STAG1: variants seen among roughly 807,000 people sequenced by gnomAD.
The protein encoded by STAG1 is STAG1 cohesin complex component, also known as cohesin subunit SA-1.
In STAG1, 26 loss-of-function variants were observed where a neutral mutation model predicts 170.9. The ratio of observed to expected loss-of-function variants is 0.15; its 90% CI spans 0.11 to 0.21. The LOEUF (loss-of-function observed/expected upper bound fraction) is 0.21, where lower values mean the gene tolerates loss of function less well. STAG1 is among the 10% of genes least tolerant of loss of function. The pLI is 1.00. For missense variants in STAG1, 964 were observed against 1,509.5 expected, an observed-to-expected ratio of 0.64 and a Z score of 5.99; for synonymous variants, 514 against 497.7, an observed-to-expected ratio of 1.03 and a Z score of -0.44.
intron 1 of STAG1, among the ~76,000 whole-genome samples, chr3:136,694,757 C>A (rs576500019): frequency 2.6e-4 from 39 of 152,062 alleles, no homozygotes; most frequent in Admixed American, 1.4e-3. Flanking sequence ...TCAAGGGACA[C>A]AGGAAATCTG....
intron 16 of STAG1, among the ~76,000 whole-genome samples, chr3:136,425,759 T>C (rs2088102352): frequency 6.7e-6 from 1 of 149,600 alleles, no homozygotes; most frequent in Non-Finnish European, 1.5e-5. Flanking sequence ...TATATATCTA[T>C]AAAAGAAGAA....
At chr3:136,371,702 T>G (rs963411725) in intron 23 of STAG1, among the ~76,000 whole-genome samples, 8 of 152,174 alleles carry the variant, frequency 5.3e-5, no homozygotes, top group Non-Finnish European at 7.3e-5. Context: ...TCTGTTCTGT[T>G]CCATTGGTCT....
intron 7 of STAG1, among the ~76,000 whole-genome samples, chr3:136,511,976 C>A (rs973813985): frequency 6.6e-6 from 1 of 150,864 alleles, no homozygotes; most frequent in Non-Finnish European, 1.5e-5. Flanking sequence ...AAGCACTGGG[C>A]GTGTGGTGGT....
rs774233927 is a variant in STAG1 at position 136,343,889 on chromosome 3, C to A, written c.3389G>T (p.Gly1130Val). Residue 1130 changes from glycine (G) to valine (V), a missense_variant, in exon 30 of 34, where the codon GGA (glycine) becomes GTA (valine). Gly to Val is a moderately radical substitution (Grantham distance 109). Coordinates refer to ENST00000383202, the MANE Select transcript of STAG1 (RefSeq NM_005862.3). ...AGACTCAGGTTCTTGAATCTGGTCT[C>A]CCATGGGCCGACTGTTCTCCCGCAG... ...TVLRENSRPM[G>V]DQIQEPESEH... 1.9e-6 allele frequency: 3 copies of A among 1,608,466 alleles called. No individual in the cohort carries two copies. The highest frequency in any genetic ancestry group is 2.2e-5 in the South Asian group (2 of 90,162).
intron 1 of STAG1, among the ~76,000 whole-genome samples, chr3:136,687,168 T>C (rs1423947284): frequency 6.6e-6 from 1 of 152,228 alleles, no homozygotes; most frequent in Non-Finnish European, 1.5e-5. Context: ...GACATTATGT[T>C]GTCCATGCAT....
Position 136,377,641 on chromosome 3 carries a change from C to G in STAG1, c.2370+19G>C, listed in dbSNP as rs562126203. ...ATTTGAGTTGATTTTATTGAGAGCT[C>G]TTACTGATAATTTCTTACCTGTTCT... On this transcript the variant is annotated intron_variant, in intron 23 of 33. Coordinates refer to ENST00000383202, the MANE Select transcript of STAG1 (RefSeq NM_005862.3). 6 of 1,593,708 alleles carry G rather than the reference C, an allele frequency of 3.8e-6. No individual in the cohort carries two copies. The highest frequency in any genetic ancestry group is 5.2e-6 in the Non-Finnish European group (6 of 1,162,620).
intron 1 of STAG1, chr3:136,737,099 G>C (rs1280301431): frequency 1.7e-5 from 16 of 917,784 alleles, no homozygotes; most frequent in Non-Finnish European, 2.7e-5. Flanking sequence ...AACCAGGACA[G>C]GTCAGTCTTT....
chr3:136,448,400 T>G (rs2088844991), intron 14 of STAG1, among the ~76,000 whole-genome samples: 1 of 151,964 alleles, frequency 6.6e-6, no homozygotes, highest in South Asian at 2.1e-4. Flanking sequence ...TGGCAGAAGA[T>G]GAAGGAAGAG....
intron 7 of STAG1, among the ~76,000 whole-genome samples, chr3:136,516,604 A>G (rs1391604313): frequency 6.6e-6 from 1 of 152,132 alleles, no homozygotes; most frequent in Non-Finnish European, 1.5e-5. Context: ...TTTATTTATG[A>G]TTTCCCCATC....
chr3:136,558,244 T>C (rs1559877984), intron 5 of STAG1, among the ~76,000 whole-genome samples: 1 of 151,970 alleles, frequency 6.6e-6, no homozygotes. Context: ...ATACAAAAAT[T>C]AGCCAGGCGT....
intron 16 of STAG1, among the ~76,000 whole-genome samples, chr3:136,431,397 C>T (rs1254294905): frequency 3.9e-5 from 6 of 152,002 alleles, no homozygotes; most frequent in Non-Finnish European, 7.4e-5. Context: ...CTCAGCCTTC[C>T]GAGTGGCTGG....
chr3:136,340,308 G>C (rs779763960), intron 32 of STAG1, among the ~76,000 whole-genome samples, 183 bp downstream of exon 32: 27 of 152,132 alleles, frequency 1.8e-4, no homozygotes, highest in Non-Finnish European at 3.4e-4. Flanking sequence ...TTTTAGTAGA[G>C]ACGGGGTTTC....
chr3:136,655,712 A>G lies in STAG1; in HGVS notation c.-83-24731T>C, dbSNP rs186137530. On this transcript the variant is annotated intron_variant, in intron 1 of 33. Transcript: ENST00000383202. ...CAGGAGGCAGAGGTCACAGTGAGCC[A>G]AGATCACACCATCTGCACTCCAGCC... is the stretch of plus-strand genomic sequence containing the variant. Among the ~76,000 whole-genome samples, 287 of 152,244 alleles carry G rather than the reference A, an allele frequency of 1.9e-3. 7 individuals are homozygous for G. In the East Asian group the frequency reaches 0.046, roughly 24 times the overall value.
At chr3:136,571,556 G>A (rs922115114) in intron 4 of STAG1, among the ~76,000 whole-genome samples, 4 of 151,862 alleles carry the variant, frequency 2.6e-5, no homozygotes, top group Admixed American at 6.6e-5. Context: ...GTGACAGGGC[G>A]AGACCCTGTC....
intron 1 of STAG1, among the ~76,000 whole-genome samples, chr3:136,708,993 T>TTTAAA (rs1553769638): frequency 1.5e-5 from 2 of 130,462 alleles, no homozygotes; most frequent in Admixed American, 7.7e-5. Context: ...TTTTTTTTTT[T>TTTAAA]AAAGACAGGG....
intron 3 of STAG1, among the ~76,000 whole-genome samples, chr3:136,613,313 C>CAAAAAAAAAAAAAAAAAAAA (rs60449608): frequency 1.7e-5 from 1 of 59,760 alleles, no homozygotes; most frequent in Non-Finnish European, 2.8e-5. Flanking sequence ...GACTCCGTCT[C>CAAAAAAAAAAAAAAAAAAAA]AAAAAAAAAA....
chr3:136,454,065 T>C (rs1445845853), intron 13 of STAG1, among the ~76,000 whole-genome samples: 1 of 152,162 alleles, frequency 6.6e-6, no homozygotes, highest in Non-Finnish European at 1.5e-5. Context: ...AAGGAAAATA[T>C]GAATATCCCT....
chr3:136,624,410 A>C (rs1262886917), intron 2 of STAG1, among the ~76,000 whole-genome samples: 1 of 152,156 alleles, frequency 6.6e-6, no homozygotes, highest in Non-Finnish European at 1.5e-5. Context: ...AATTATTGGA[A>C]TCTAACCTAC....
chr3:136,432,872 G>A (rs574809753), intron 16 of STAG1, among the ~76,000 whole-genome samples: 8 of 152,130 alleles, frequency 5.3e-5, no homozygotes, highest in Non-Finnish European at 1.2e-4. Flanking sequence ...AGATCTTATC[G>A]ACCAAGCATG....
Sources: gnomAD v4.1 joint callset for allele counts (sites outside exome capture counted in the v4.1 genomes callset) on GRCh38, gnomAD v4.1.1 for gene constraint, MANE v1.5 for transcripts, NCBI Gene and HGNC (gene_info 2026-07-23, HGNC 2026-07-21) for gene names.